CAPRIN1: variants seen among roughly 807,000 people sequenced by gnomAD.
CAPRIN1 encodes cell cycle associated protein 1.
In CAPRIN1, 29 loss-of-function variants were observed where a neutral mutation model predicts 100.9. The observed-to-expected ratio is 0.29, with a 90% CI of 0.21 to 0.39. CAPRIN1 has a LOEUF of 0.39. Among genes scored for constraint, CAPRIN1 ranks in the 10% least tolerant of loss-of-function variants. CAPRIN1 has a pLI of 1.00. For synonymous variants in CAPRIN1, 338 were observed against 307.5 expected (o/e 1.10, Z -1.04); for missense variants, 795 against 876.7 (o/e 0.91, Z 1.18).
intron 4 of CAPRIN1, among the ~76,000 whole-genome samples, chr11:34,073,918 T>C (rs545984536): frequency 6.6e-6 from 1 of 152,310 alleles, no homozygotes; most frequent in South Asian, 2.1e-4. Flanking sequence ...TGCTGGGAAG[T>C]CCAAGATCAA....
chr11:34,081,539 G>A (rs950349603), intron 7 of CAPRIN1, among the ~76,000 whole-genome samples: 3 of 150,488 alleles, frequency 2.0e-5, no homozygotes, highest in African/African-American at 4.9e-5. Context: ...TGTCGCCCAC[G>A]CTGGAGTGTA....
intron 2 of CAPRIN1, 51 bp from the exon 3 acceptor site, chr11:34,071,675 T>C: frequency 7.9e-7 from 1 of 1,268,450 alleles, no homozygotes; most frequent in Non-Finnish European, 1.1e-6. Flanking sequence ...ATGCTTAAGC[T>C]GGTATATACC....
In CAPRIN1 at chr11:34,090,166, T is replaced by G. The variant is rs201447252; in HGVS notation, c.1294-13T>G. 6.5e-7 allele frequency: 1 copy of G among 1,540,276 alleles called. No individual in the cohort carries two copies. Among genetic ancestry groups the G allele is most frequent in the East Asian group, 2.2e-5 (1 of 44,480 alleles). On this transcript the variant is annotated splice_polypyrimidine_tract_variant and intron_variant, in intron 12 of 18. Transcript: ENST00000341394. Reference sequence around the variant, plus strand: ...AAGCAGGAAGAAGCTTTTATTTCTTTACTTATGTCTAGGTTCCTTTGGTAT... The same window carrying G: ...AAGCAGGAAGAAGCTTTTATTTCTTGACTTATGTCTAGGTTCCTTTGGTAT...
intron 2 of CAPRIN1, among the ~76,000 whole-genome samples, chr11:34,058,388 T>C (rs1208188043): frequency 6.6e-6 from 1 of 152,182 alleles, no homozygotes; most frequent in Non-Finnish European, 1.5e-5. Context: ...CTGCACGCCT[T>C]GGCCTCCCAA....
At chr11:34,076,687 T>C (rs1268476368) in intron 6 of CAPRIN1, 45 bp downstream of exon 6, 1 of 1,295,788 alleles carries the variant, frequency 7.7e-7, no homozygotes, top group East Asian at 2.3e-5. Flanking sequence ...TAGGAATCTT[T>C]AAAAACTAAT....
intron 2 of CAPRIN1, among the ~76,000 whole-genome samples, chr11:34,060,434 G>A (rs898240481): frequency 3.3e-5 from 5 of 152,230 alleles, no homozygotes; most frequent in Admixed American, 2.0e-4. Flanking sequence ...TGAACTCTTA[G>A]CCTTAAGCGA....
chr11:34,088,250 G>T (rs965500713), intron 11 of CAPRIN1, among the ~76,000 whole-genome samples: 1 of 152,066 alleles, frequency 6.6e-6, no homozygotes, highest in Non-Finnish European at 1.5e-5. Context: ...TGATCCACCC[G>T]CCTCGGCCTC....
intron 2 of CAPRIN1, among the ~76,000 whole-genome samples, chr11:34,059,270 G>GT (rs776890676): frequency 0.025 from 3,414 of 137,416 alleles, 118 homozygotes; most frequent in African/African-American, 0.076. Flanking sequence ...TCTTGACATT[G>GT]TTTTTTTTTT....
At chr11:34,096,043 G>A (rs2134138145) in intron 15 of CAPRIN1, 1 of 152,500 alleles carries the variant, frequency 6.6e-6, no homozygotes, top group South Asian at 2.1e-4. Context: ...TAAAAAAAAG[G>A]ATATTTAAAA....
chr11:34,075,492 A>G (rs1330836079), intron 4 of CAPRIN1, among the ~76,000 whole-genome samples: 1 of 152,228 alleles, frequency 6.6e-6, no homozygotes, highest in Non-Finnish European at 1.5e-5. Context: ...ATACATTCAT[A>G]CTTAGCTTTA....
intron 6 of CAPRIN1, among the ~76,000 whole-genome samples, chr11:34,077,592 A>AT (rs1412386952): frequency 6.6e-6 from 1 of 152,220 alleles, no homozygotes; most frequent in African/African-American, 2.4e-5. Context: ...CAGGGAATAG[A>AT]TTCTTATCTT....
intron 2 of CAPRIN1, chr11:34,052,910 GC>G: frequency 1.5e-6 from 2 of 1,307,672 alleles, no homozygotes; most frequent in Non-Finnish European, 1.9e-6. Context: ...CGGCTTTTTG[GC>G]CTTTAGGAGT....
chr11:34,052,373 C>T (rs1341697862), intron 1 of CAPRIN1, 48 bp from the exon 2 acceptor site: 1 of 1,496,590 alleles, frequency 6.7e-7, no homozygotes, highest in African/African-American at 1.4e-5. Context: ...TGACTGGCCG[C>T]TCTTGTCCTT....
At position 34,100,494 on chromosome 11, in the gene CAPRIN1, C is replaced by T. The variant is rs984494032; in HGVS notation, c.*1127C>T. 7.2e-5 allele frequency: 11 copies of T among 152,094 alleles called. No homozygotes were observed. The highest frequency in any genetic ancestry group is 1.7e-4 in the African/African-American group (7 of 41,412). 9.4% of individuals were successfully genotyped at this position (152,094 alleles called of 1,614,324 possible). ...GATGGTATAAGCAAAACAAATAAAA[C>T]GTTTATAAAAGTTGTATCTTGAAAC... On this transcript the variant is annotated 3_prime_UTR_variant, in exon 19 of 19. Coordinates refer to ENST00000341394, the MANE Select transcript of CAPRIN1 (RefSeq NM_005898.5).
In CAPRIN1 at chr11:34,081,345, C is replaced by G. The variant is rs150813959; in HGVS notation, c.827-1480C>G. On this transcript the variant is annotated intron_variant, in intron 7 of 18. Transcript: ENST00000341394. ...GCTCCTGAGTAGTGGGGACTACAGG[C>G]GCATCACCACACCAGGCTAATTTTT... is the stretch of plus-strand genomic sequence containing the variant. Among the ~76,000 whole-genome samples the G allele has an allele frequency of 3.8e-3, 584 of 151,908 alleles. 2 individuals carry two copies. The highest frequency in any genetic ancestry group is 5.9e-3 in the Non-Finnish European group (401 of 67,954).
rs186316406 is a variant in CAPRIN1, at chr11:34,075,548, G to A, written c.367-688G>A. ...TCATCTTATTCATAAAAACAAATTA[G>A]GCACTCTTTTCAGTAAGATGGAATA... On this transcript the variant is annotated intron_variant, in intron 4 of 18. Coordinates refer to ENST00000341394, the MANE Select transcript of CAPRIN1 (RefSeq NM_005898.5). Among the ~76,000 whole-genome samples, 26 of 152,302 alleles carry A rather than the reference G, an allele frequency of 1.7e-4. 1 individual carries two copies. Among genetic ancestry groups the A allele is most frequent in the Admixed American group, 1.3e-3 (20 of 15,304 alleles).
intron 2 of CAPRIN1, among the ~76,000 whole-genome samples, chr11:34,053,866 G>T (rs1273523443): frequency 6.6e-6 from 1 of 152,212 alleles, no homozygotes; most frequent in Non-Finnish European, 1.5e-5. Context: ...TTACGTCTGT[G>T]ACTATCATGT....
intron 4 of CAPRIN1, 50 bp downstream of exon 4, chr11:34,072,037 T>G (rs773945762): frequency 9.6e-5 from 122 of 1,270,438 alleles, no homozygotes; most frequent in Non-Finnish European, 9.0e-6. Flanking sequence ...GTTGTTTCTT[T>G]GGGTTTTAGT....
chr11:34,072,956 A>G lies in CAPRIN1; in HGVS notation c.366+969A>G, dbSNP rs192505201. 2.0e-5 allele frequency among the ~76,000 whole-genome samples: 3 copies of G among 152,298 alleles called. No homozygotes were observed. In the East Asian group the frequency reaches 5.8e-4, roughly 29 times the overall value. On this transcript the variant is annotated intron_variant, in intron 4 of 18. Coordinates refer to ENST00000341394, the MANE Select transcript of CAPRIN1 (RefSeq NM_005898.5). ...ACAGTAACATGCTGTACACATTTGT[A>G]GTCTAGGAGCTAATATGCTATACCA...
Sources: gnomAD v4.1 joint callset for allele counts (sites outside exome capture counted in the v4.1 genomes callset) on GRCh38, gnomAD v4.1.1 for gene constraint, MANE v1.5 for transcripts, NCBI Gene and HGNC (gene_info 2026-07-23, HGNC 2026-07-21) for gene names.